CCDC126: variants seen among roughly 807,000 people sequenced by gnomAD.
CCDC126 encodes coiled-coil domain-containing protein 126.
In CCDC126, 5 loss-of-function variants were observed where a neutral mutation model predicts 11.7. The ratio of observed to expected loss-of-function variants is 0.43; its 90% CI spans 0.22 to 0.90. The LOEUF (loss-of-function observed/expected upper bound fraction) is 0.90. Among genes scored for constraint, CCDC126 ranks in the 40% least tolerant of loss-of-function variants. The pLI is 0.27. For synonymous variants in CCDC126, 60 were observed against 61.9 expected (o/e 0.97, Z 0.14); for missense variants, 150 against 163.1 (o/e 0.92, Z 0.44).
At chr7:23,636,469 CG>C in intron 3 of CCDC126, among the ~76,000 whole-genome samples, 1 of 148,972 alleles carries the variant, frequency 6.7e-6, no homozygotes, top group Non-Finnish European at 1.5e-5. Context: ...CGTCTCTGCC[CG>C]GCCGCCCATC....
chr7:23,611,986 A>G (rs1782719608), intron 3 of CCDC126, among the ~76,000 whole-genome samples: 1 of 152,112 alleles, frequency 6.6e-6, no homozygotes. Flanking sequence ...TACTGAAAAT[A>G]CAAAAACAAA....
At chr7:23,607,085 G>GC (rs1372579162) in intron 2 of CCDC126, among the ~76,000 whole-genome samples, 2 of 152,316 alleles carry the variant, frequency 1.3e-5, no homozygotes, top group Admixed American at 6.5e-5. Flanking sequence ...GGGCAACAGA[G>GC]CGAGACCCTG....
At chr7:23,639,446 C>T (rs1783315558) in intron 3 of CCDC126, among the ~76,000 whole-genome samples, 1 of 152,178 alleles carries the variant, frequency 6.6e-6, no homozygotes. Flanking sequence ...TCAAGTGATC[C>T]ATCCTGCCTC....
In CCDC126 at chr7:23,642,932, G is replaced by A. The variant is rs754418462; in HGVS notation, c.240G>A (p.Ala80=). Residue 80 remains alanine (A), a splice_region_variant and synonymous_variant, in exon 4 of 4, where the codon GCG becomes GCA. Transcript: ENST00000307471. ...TTTTATTCTGATTTATTCCCCTAGC[G>A]GATCTGAAAAGAACAATTGCTGTCC... ...VENGASMAGY[A]DLKRTIAVLL... The A allele has an allele frequency of 5.0e-6, 8 of 1,613,076 alleles. No individual in the cohort carries two copies. Among genetic ancestry groups the A allele is most frequent in the East Asian group, 2.2e-5 (1 of 44,866 alleles).
At chr7:23,609,611 T>C (rs1422051594) in intron 2 of CCDC126, among the ~76,000 whole-genome samples, 1 of 152,212 alleles carries the variant, frequency 6.6e-6, no homozygotes, top group Admixed American at 6.5e-5. Context: ...CTTATGCCTC[T>C]AATCCCAGCA....
chr7:23,608,462 A>AT (rs1298864038), intron 2 of CCDC126, among the ~76,000 whole-genome samples: 3 of 151,808 alleles, frequency 2.0e-5, no homozygotes, highest in African/African-American at 4.8e-5. Context: ...AAACACTATG[A>AT]TTTTTTTTGT....
rs569175822 is a variant in CCDC126, at chr7:23,619,579, AG to A, written c.238+8027del. 678 of 223,076 alleles carry A rather than the reference AG, an allele frequency of 3.0e-3. 4 individuals are homozygous for A. Among genetic ancestry groups the A allele is most frequent in the South Asian group, 6.1e-3 (88 of 14,468 alleles). 13.8% of individuals were successfully genotyped at this position (223,076 alleles called of 1,614,324 possible). On this transcript the variant is annotated intron_variant, in intron 3 of 3. Transcript: ENST00000307471. ...CTTTATTTATTTTTTCTTTTTTTTA[AG>A]AAAAATATATTTTTATTATACTTTA...
Position 23,640,998 on chromosome 7 carries a change from T to A in CCDC126, c.239-1933T>A, listed in dbSNP as rs966375301. On this transcript the variant is annotated intron_variant, in intron 3 of 3. Transcript: ENST00000307471. ...TGAGCTCTGAATCCTTTTGGTTTTT[T>A]TTTTTTTTTTTTTTTTTGGTATATA... 6.8e-4 allele frequency among the ~76,000 whole-genome samples: 100 copies of A among 146,130 alleles called. 1 individual carries two copies. Among genetic ancestry groups the A allele is most frequent in the African/African-American group, 1.7e-3 (63 of 37,662 alleles).
intron 3 of CCDC126, among the ~76,000 whole-genome samples, chr7:23,626,846 T>G (rs1386332386): frequency 6.6e-6 from 1 of 152,250 alleles, no homozygotes; most frequent in African/African-American, 2.4e-5. Flanking sequence ...GTGGACAGAT[T>G]AATTCAACTT....
intron 3 of CCDC126, among the ~76,000 whole-genome samples, chr7:23,627,136 A>G (rs1783029585): frequency 6.6e-6 from 1 of 152,164 alleles, no homozygotes; most frequent in Non-Finnish European, 1.5e-5. Context: ...CCAGTCCTTA[A>G]CCACATCAGG....
In CCDC126 at chr7:23,643,129, C is replaced by T; in HGVS notation, c.*14C>T. ...AGTATCAGATAGCAGTTGAAAATCA[C>T]CTTGTGCTGCTCCATCCACTGTGGA... On this transcript the variant is annotated 3_prime_UTR_variant, in exon 4 of 4. Transcript: ENST00000307471. 1 of 1,609,068 alleles carries T rather than the reference C, an allele frequency of 6.2e-7. No homozygotes were observed. The highest frequency in any genetic ancestry group is 1.1e-5 in the South Asian group (1 of 90,460).
In CCDC126 at chr7:23,643,561, A is replaced by G. The variant is rs1783403651; in HGVS notation, c.*446A>G. 1 of 153,784 alleles carries G rather than the reference A, an allele frequency of 6.5e-6. No homozygotes were observed. Among genetic ancestry groups the G allele is most frequent in the African/African-American group, 2.4e-5 (1 of 41,516 alleles). 9.5% of individuals were successfully genotyped at this position (153,784 alleles called of 1,614,324 possible). ...GTAACTGTTAGACTACGGCTATTTG[A>G]AAAAATGTGCTTATTGTACTATATT... is the stretch of plus-strand genomic sequence containing the variant. On this transcript the variant is annotated 3_prime_UTR_variant, in exon 4 of 4. Coordinates refer to ENST00000307471, the MANE Select transcript of CCDC126 (RefSeq NM_138771.4).
intron 3 of CCDC126, among the ~76,000 whole-genome samples, chr7:23,613,197 G>T (rs1782745374): frequency 6.6e-6 from 1 of 152,094 alleles, no homozygotes; most frequent in Non-Finnish European, 1.5e-5. Context: ...TGTAGTTCCA[G>T]CTACTTGGGA....
At chr7:23,599,002 TCA>T (rs1215223224) in intron 2 of CCDC126, among the ~76,000 whole-genome samples, 2 of 152,174 alleles carry the variant, frequency 1.3e-5, no homozygotes, top group Non-Finnish European at 2.9e-5. Context: ...ACCCTTTTAG[TCA>T]TTTGTGTTCT....
At chr7:23,634,307 T>C (rs143770813) in intron 3 of CCDC126, among the ~76,000 whole-genome samples, 1,806 of 151,998 alleles carry the variant, frequency 0.012, 79 homozygotes, top group Admixed American at 0.095. Flanking sequence ...CATGGTGGTG[T>C]GTGCCTGTAG....
At chr7:23,615,526 G>T (rs1368422360) in intron 3 of CCDC126, among the ~76,000 whole-genome samples, 1 of 152,174 alleles carries the variant, frequency 6.6e-6, no homozygotes, top group Non-Finnish European at 1.5e-5. Flanking sequence ...TCACAACTTG[G>T]CTGTTTGGCA....
At chr7:23,598,496 T>C (rs1335146319) in intron 2 of CCDC126, 1 of 152,236 alleles carries the variant, frequency 6.6e-6, no homozygotes, top group Non-Finnish European at 1.5e-5. Flanking sequence ...ATGACTCTGC[T>C]TTTCTGTGGA....
At chr7:23,636,769 TGGG>T (rs768299331) in intron 3 of CCDC126, among the ~76,000 whole-genome samples, 3 of 104,368 alleles carry the variant, frequency 2.9e-5, no homozygotes, top group East Asian at 3.0e-4. Context: ...GGGAGGGAGG[TGGG>T]GGGGGGGTCA....
chr7:23,643,412 C>A lies in CCDC126; in HGVS notation c.*297C>A. 1 of 254,562 alleles carries A rather than the reference C, an allele frequency of 3.9e-6. No individual in the cohort carries two copies. The highest frequency in any genetic ancestry group is 7.4e-6 in the Non-Finnish European group (1 of 135,510). The allele number at this position is 254,562 out of a possible 1,614,324, so 15.8% of individuals were successfully genotyped here. A position where few individuals can be genotyped will look rare whatever the true frequency, so the allele number is the denominator to read the frequency against. The stretch of plus-strand genomic sequence containing the variant: ...TGTATAAATCTTTTGTGTTTGAGAT[C>A]AAGCTGAAATGAAAACACTGAAAAA... On this transcript the variant is annotated 3_prime_UTR_variant, in exon 4 of 4. Transcript: ENST00000307471.
Sources: gnomAD v4.1 joint callset for allele counts (sites outside exome capture counted in the v4.1 genomes callset) on GRCh38, gnomAD v4.1.1 for gene constraint, MANE v1.5 for transcripts, NCBI Gene and HGNC (gene_info 2026-07-23, HGNC 2026-07-21) for gene names.